DCAF1: variants seen among roughly 807,000 people sequenced by gnomAD.
DCAF1 encodes the protein DDB1- and CUL4-associated factor 1.
A neutral mutation model predicts 128.0 loss-of-function variants in DCAF1; 15 were observed. The ratio of observed to expected loss-of-function variants is 0.12; its 90% CI spans 0.08 to 0.18. DCAF1 has a LOEUF of 0.18. Among genes scored for constraint, DCAF1 ranks in the 10% least tolerant of loss-of-function variants. The pLI, the probability that DCAF1 is intolerant of heterozygous loss-of-function variation, is 1.00. For missense variants in DCAF1, 988 were observed against 1,649.5 expected (o/e 0.60, Z 6.95); for synonymous variants, 610 against 603.0 (o/e 1.01, Z -0.17).
chr3:51,416,564 A>C (rs1698898938), intron 18 of DCAF1, among the ~76,000 whole-genome samples: 1 of 152,238 alleles, frequency 6.6e-6, no homozygotes, highest in Admixed American at 6.5e-5. Context: ...ATTCAAAAAT[A>C]TCTGTGGTGC....
rs1394384700 is a variant in DCAF1, at chr3:51,466,201, C to CA, written c.261+601dup. On this transcript the variant is annotated intron_variant, in intron 5 of 24. Coordinates refer to ENST00000684031, the MANE Select transcript of DCAF1 (RefSeq NM_001387579.1). ...TAAGTAACAGAGCCAGACCCTGTCT[C>CA]AAAAGGAAGAAAAGAAAAAGAAGGC... 2.0e-5 allele frequency among the ~76,000 whole-genome samples: 3 copies of CA among 152,100 alleles called. No homozygotes were observed. The East Asian group carries it at 5.8e-4, about 29-fold the overall frequency.
chr3:51,486,314 T>G (rs551565311), intron 2 of DCAF1, among the ~76,000 whole-genome samples: 5 of 149,704 alleles, frequency 3.3e-5, no homozygotes, highest in African/African-American at 1.2e-4. Flanking sequence ...CACCTCAGCC[T>G]CCAGAGTAGC....
intron 6 of DCAF1, among the ~76,000 whole-genome samples, chr3:51,445,330 A>G (rs1236035332): frequency 6.6e-6 from 1 of 152,216 alleles, no homozygotes; most frequent in Non-Finnish European, 1.5e-5. Flanking sequence ...GTGATAGTGT[A>G]TATATTTTGC....
intron 17 of DCAF1, 42 bp downstream of exon 17, chr3:51,418,074 G>C (rs371212197): frequency 1.9e-6 from 3 of 1,580,314 alleles, no homozygotes; most frequent in Non-Finnish European, 1.7e-6. Flanking sequence ...GTATAAACTA[G>C]GTAAATAAAG....
At chr3:51,469,482 G>A (rs997023192) in intron 4 of DCAF1, among the ~76,000 whole-genome samples, 4 of 151,442 alleles carry the variant, frequency 2.6e-5, no homozygotes, top group African/African-American at 7.3e-5. Flanking sequence ...CTCCTGCCTC[G>A]GCCTCCCAAA....
intron 23 of DCAF1, among the ~76,000 whole-genome samples, chr3:51,406,158 A>G (rs974048271): frequency 1.3e-5 from 2 of 151,986 alleles, no homozygotes; most frequent in Admixed American, 6.6e-5. Flanking sequence ...CCCGGCTAAC[A>G]CAGTGAAACC....
chr3:51,441,720 C>T lies in DCAF1; in HGVS notation c.691G>A (p.Glu231Lys). 2.5e-6 allele frequency: 4 copies of T among 1,613,978 alleles called. No individual in the cohort carries two copies. Among genetic ancestry groups the T allele is most frequent in the Non-Finnish European group, 3.4e-6 (4 of 1,179,892 alleles). ...MAVDVVDGDQ[E>K]EASGDMEISF... is the part of the protein sequence containing the mutation. ...ATCTCCATGTCTCCAGAAGCTTCCT[C>T]TTGGTCTCCATCCACTACATCTACA... is the stretch of plus-strand genomic sequence containing the variant. Residue 231 changes from glutamate to lysine, a missense_variant, in exon 8 of 25, where the codon GAG becomes AAG. Coordinates refer to ENST00000684031, the MANE Select transcript of DCAF1 (RefSeq NM_001387579.1).
chr3:51,419,910 C>T lies in DCAF1; in HGVS notation c.3060G>A (p.Lys1020=). The T allele has an allele frequency of 6.2e-7, 1 of 1,614,056 alleles. No homozygotes were observed. Among genetic ancestry groups the T allele is most frequent in the Admixed American group, 1.7e-5 (1 of 60,026 alleles). The change falls in exon 15 of 25, where the codon AAG becomes AAA. Residue 1020 remains lysine (K), a synonymous_variant. Transcript: ENST00000684031. ...AAGGTGGGCAGGTGGCAACTGGATT[C>T]TTGCAGCGAGCATGTTGTTCTCTAA... is the stretch of plus-strand genomic sequence containing the variant. ...EYLREQHARC[K]NPVATCPPFS... is the part of the protein sequence containing the mutation.
At chr3:51,396,760 C>T (rs1223388922), downstream of DCAF1, 2 of 167,168 alleles carry the variant, frequency 1.2e-5, no homozygotes, top group African/African-American at 4.8e-5. Flanking sequence ...CCTGTCTCCC[C>T]CACAGAGACC....
chr3:51,424,111 T>C (rs1023418642), intron 13 of DCAF1, among the ~76,000 whole-genome samples: 4 of 151,894 alleles, frequency 2.6e-5, no homozygotes, highest in Admixed American at 1.3e-4. Context: ...AGTAGAGAAA[T>C]GTTGGATGTC....
intron 18 of DCAF1, among the ~76,000 whole-genome samples, chr3:51,416,121 T>G (rs13316894): frequency 0.01 from 1,585 of 151,952 alleles, 41 homozygotes; most frequent in African/African-American, 0.035. Context: ...GAACTTTACA[T>G]CCACTCATGT....
At chr3:51,460,194 G>C (rs559761623) in intron 6 of DCAF1, among the ~76,000 whole-genome samples, 1 of 152,264 alleles carries the variant, frequency 6.6e-6, no homozygotes, top group African/African-American at 2.4e-5. Flanking sequence ...AAGCTGATAA[G>C]CAACTTCAGC....
chr3:51,411,212 G>A (rs112709411), intron 23 of DCAF1, among the ~76,000 whole-genome samples: 22 of 149,714 alleles, frequency 1.5e-4, no homozygotes, highest in Non-Finnish European at 2.1e-4. Flanking sequence ...TAAAGAATAC[G>A]ATAGTAGGGG....
chr3:51,398,709 T>C lies in DCAF1; in HGVS notation c.*60A>G, dbSNP rs890057444. 2.1e-5 allele frequency: 32 copies of C among 1,548,080 alleles called. No individual in the cohort carries two copies. Among genetic ancestry groups the C allele is most frequent in the Non-Finnish European group, 2.6e-5 (30 of 1,146,076 alleles). ...GGGAGAAAGAGAAGGGAATATGTTC[T>C]GAATTCATTTGACTCAGTTTCTCGC... On this transcript the variant is annotated 3_prime_UTR_variant, in exon 25 of 25. Transcript: ENST00000684031.
At chr3:51,464,762 C>T (rs1270597721) in intron 5 of DCAF1, among the ~76,000 whole-genome samples, 2 of 151,792 alleles carry the variant, frequency 1.3e-5, no homozygotes, top group African/African-American at 4.8e-5. Flanking sequence ...TTACCGAAGC[C>T]CCTAGGAGGG....
chr3:51,459,951 T>G (rs1703357605), intron 6 of DCAF1, among the ~76,000 whole-genome samples: 1 of 152,156 alleles, frequency 6.6e-6, no homozygotes, highest in Non-Finnish European at 1.5e-5. Flanking sequence ...GCCAATATCA[T>G]ACTGAATGGG....
chr3:51,464,410 C>A (rs1404950358), intron 5 of DCAF1, among the ~76,000 whole-genome samples: 1 of 151,974 alleles, frequency 6.6e-6, no homozygotes, highest in African/African-American at 2.4e-5. Flanking sequence ...GATTCATTAT[C>A]CAGGCTGAGT....
chr3:51,486,802 T>G (rs1707010150), intron 2 of DCAF1, among the ~76,000 whole-genome samples: 2 of 151,848 alleles, frequency 1.3e-5, no homozygotes, highest in Non-Finnish European at 2.9e-5. Flanking sequence ...CCCGGCTAAT[T>G]TTTGTATTTT....
Position 51,467,662 on chromosome 3 carries a change from TAAAA to T in DCAF1, c.188-790_188-787del. ...TTAAAGTATAATAAAAATATATATA[TAAAA>T]AAAGAAACATAATTTAAAAATAACA... On this transcript the variant is annotated intron_variant, in intron 4 of 24. Coordinates refer to ENST00000684031, the MANE Select transcript of DCAF1 (RefSeq NM_001387579.1). Among the ~76,000 whole-genome samples the T allele has an allele frequency of 2.0e-5, 3 of 151,858 alleles. No individual in the cohort carries two copies. In the South Asian group the frequency reaches 6.2e-4, roughly 32 times the overall value.
Sources: gnomAD v4.1 joint callset for allele counts (sites outside exome capture counted in the v4.1 genomes callset) on GRCh38, gnomAD v4.1.1 for gene constraint, MANE v1.5 for transcripts, NCBI Gene and HGNC (gene_info 2026-07-23, HGNC 2026-07-21) for gene names.